STRN3: variants seen among roughly 807,000 people sequenced by gnomAD.
STRN3 encodes striatin-3.
In STRN3, 29 loss-of-function variants were observed where a neutral mutation model predicts 95.6. The observed-to-expected ratio is 0.30, with a 90% CI of 0.23 to 0.41. The LOEUF (loss-of-function observed/expected upper bound fraction) is 0.41, where lower values mean the gene tolerates loss of function less well. Among genes scored for constraint, STRN3 ranks in the 10% least tolerant of loss-of-function variants. STRN3 has a pLI of 1.00. For synonymous variants in STRN3, 331 were observed against 357.6 expected, an observed-to-expected ratio of 0.93 and a Z score of 0.84; for missense variants, 890 against 972.1, an observed-to-expected ratio of 0.92 and a Z score of 1.12.
rs117215420 is a variant in STRN3, at chr14:30,896,342, T to C, written c.2138-594A>G. On this transcript the variant is annotated intron_variant, in intron 16 of 17. Coordinates refer to ENST00000357479, the MANE Select transcript of STRN3 (RefSeq NM_001083893.2). ...AGGCTCAAGATCGTGTAAACTGGAATTAAATAAGCCAAGTGTGGTGAGGTG... is the reference window on the plus strand; with the variant it reads ...AGGCTCAAGATCGTGTAAACTGGAACTAAATAAGCCAAGTGTGGTGAGGTG... 1.8e-3 allele frequency among the ~76,000 whole-genome samples: 277 copies of C among 152,148 alleles called. 5 individuals are homozygous for C. The East Asian group carries it at 0.032, about 18-fold the overall frequency.
chr14:30,911,231 C>T lies in STRN3; in HGVS notation c.1599-69G>A, dbSNP rs191423506. 1,149 of 1,502,792 alleles carry T rather than the reference C, an allele frequency of 7.6e-4. 3 individuals are homozygous for T. The highest frequency in any genetic ancestry group is 1.8e-3 in the Middle Eastern group (8 of 4,390). 93.1% of individuals were successfully genotyped at this position (1,502,792 alleles called of 1,614,324 possible). ...AGAAGAAACTCAAATCTCCATTCCC[C>T]CAACCTCTGAATTTATGTAATATCT... On this transcript the variant is annotated intron_variant, in intron 12 of 17. Coordinates refer to ENST00000357479, the MANE Select transcript of STRN3 (RefSeq NM_001083893.2).
intron 14 of STRN3, among the ~76,000 whole-genome samples, chr14:30,906,241 G>A (rs892018473): frequency 4.0e-5 from 6 of 151,794 alleles, no homozygotes; most frequent in South Asian, 2.1e-4. Flanking sequence ...CAATCACTAC[G>A]GTGTCTAAGA....
At chr14:31,025,133 A>G (rs1195930751) in intron 1 of STRN3, 1 of 152,258 alleles carries the variant, frequency 6.6e-6, no homozygotes, top group Non-Finnish European at 1.5e-5. Flanking sequence ...TCATAAATAC[A>G]GCATCGATCG....
At chr14:30,970,600 T>C (rs563771532) in intron 1 of STRN3, among the ~76,000 whole-genome samples, 7 of 152,290 alleles carry the variant, frequency 4.6e-5, no homozygotes, top group South Asian at 4.1e-4. Context: ...ACAGACCCTA[T>C]TGGACTCCTT....
At chr14:30,975,590 GAAAAGAAAAGAA>G (rs1386627025) in intron 1 of STRN3, among the ~76,000 whole-genome samples, 16 of 145,212 alleles carry the variant, frequency 1.1e-4, no homozygotes, top group South Asian at 2.2e-4. Flanking sequence ...AAGAAAGAAA[GAAAAGAAAAGAA>G]AAAAGAAAAG....
intron 16 of STRN3, among the ~76,000 whole-genome samples, chr14:30,898,588 A>G (rs572180153): frequency 1.3e-5 from 2 of 152,298 alleles, no homozygotes; most frequent in Admixed American, 1.3e-4. Flanking sequence ...TGCTGGACCA[A>G]GTTGTATGTT....
rs1555317335 is a variant in STRN3, at chr14:30,929,967, A to AACAAACAAAAAAAAAAAC, written c.989-657_989-656insGTTTTTTTTTTTGTTTGT. Among the ~76,000 whole-genome samples the AACAAACAAAAAAAAAAAC allele has an allele frequency of 1.1e-3, 103 of 91,214 alleles. 2 individuals carry two copies. In the East Asian group the frequency reaches 0.016, roughly 14 times the overall value. The allele number at this position is 91,214 out of a possible 152,430, so 59.8% of individuals were successfully genotyped here. A position where few individuals can be genotyped will look rare whatever the true frequency, so the allele number is the denominator to read the frequency against. On this transcript the variant is annotated intron_variant, in intron 7 of 17. Transcript: ENST00000357479. ...AACTAAGATTAGCAAAAAAAAAAAA[A>AACAAACAAAAAAAAAAAC]AAAAAAAAAAAACTCAAATTCCACT...
intron 1 of STRN3, among the ~76,000 whole-genome samples, chr14:31,018,077 T>C (rs1594591895): frequency 7.7e-6 from 1 of 129,802 alleles, no homozygotes; most frequent in South Asian, 2.4e-4. Context: ...AAACCCTGCC[T>C]CAATTTAAAA....
intron 1 of STRN3, among the ~76,000 whole-genome samples, chr14:30,980,344 G>GAT (rs1881330190): frequency 6.6e-6 from 1 of 152,152 alleles, no homozygotes; most frequent in Non-Finnish European, 1.5e-5. Context: ...TTTCAACTTT[G>GAT]ATTCTGCTGG....
At chr14:30,917,337 T>C (rs1896765765) in intron 9 of STRN3, among the ~76,000 whole-genome samples, 1 of 152,132 alleles carries the variant, frequency 6.6e-6, no homozygotes, top group Non-Finnish European at 1.5e-5. Flanking sequence ...GAGTTCTAAG[T>C]TGGTTTTTGT....
chr14:30,895,744 T>C lies in STRN3; in HGVS notation c.2142A>G (p.Lys714=), dbSNP rs761861793. The part of the protein sequence containing the change: ...HIKFFDNKTG[K]MIHSMVAHLD... ...AGTGAGCTACCATAGAATGGATCAT[T>C]TTACCTAAACAAAACATAACAGAGA... Residue 714 remains lysine (K), a synonymous_variant, in exon 17 of 18, where the codon AAA becomes AAG. Transcript: ENST00000357479. The C allele has an allele frequency of 1.1e-5, 17 of 1,611,538 alleles. No individual in the cohort carries two copies. The highest frequency in any genetic ancestry group is 2.2e-5 in the South Asian group (2 of 90,284).
chr14:31,015,092 G>A (rs1037859665), intron 1 of STRN3, among the ~76,000 whole-genome samples: 7 of 152,170 alleles, frequency 4.6e-5, no homozygotes, highest in Non-Finnish European at 1.0e-4. Context: ...GCCTCCCAAA[G>A]TGCTGGGACT....
intron 15 of STRN3, among the ~76,000 whole-genome samples, chr14:30,903,614 G>A (rs914879846): frequency 6.6e-6 from 1 of 152,118 alleles, no homozygotes; most frequent in African/African-American, 2.4e-5. Flanking sequence ...TGCCCAGACT[G>A]GTCTCTACTC....
chr14:30,966,035 C>T (rs566376282), intron 1 of STRN3, among the ~76,000 whole-genome samples: 92 of 152,140 alleles, frequency 6.0e-4, no homozygotes, highest in African/African-American at 2.1e-3. Context: ...ATCACCTGCT[C>T]CACCCTAACT....
intron 16 of STRN3, among the ~76,000 whole-genome samples, chr14:30,898,755 T>A: frequency 6.6e-6 from 1 of 152,168 alleles, no homozygotes; most frequent in East Asian, 1.9e-4. Flanking sequence ...CTAATCCTAA[T>A]TTTTTCCTCT....
chr14:30,904,433 A>T (rs183147877), intron 15 of STRN3, among the ~76,000 whole-genome samples: 3 of 152,202 alleles, frequency 2.0e-5, no homozygotes, highest in Non-Finnish European at 2.9e-5. Context: ...AACACCACCC[A>T]AGACAAACTG....
chr14:30,915,057 T>C (rs1236502452), intron 9 of STRN3, among the ~76,000 whole-genome samples: 8 of 152,148 alleles, frequency 5.3e-5, no homozygotes, highest in Non-Finnish European at 8.8e-5. Context: ...GGAGAAATAC[T>C]CAAATCATAA....
chr14:30,990,109 A>C (rs908469310), intron 1 of STRN3, among the ~76,000 whole-genome samples: 1 of 151,856 alleles, frequency 6.6e-6, no homozygotes, highest in Non-Finnish European at 1.5e-5. Flanking sequence ...GTTAAAGAGA[A>C]GTAACAGTAA....
intron 1 of STRN3, among the ~76,000 whole-genome samples, chr14:31,003,845 C>T (rs1882590226): frequency 7.8e-6 from 1 of 128,196 alleles, no homozygotes; most frequent in South Asian, 2.6e-4. Context: ...ATTTCTTGTA[C>T]AGGATACAAA....
Sources: gnomAD v4.1 joint callset for allele counts (sites outside exome capture counted in the v4.1 genomes callset) on GRCh38, gnomAD v4.1.1 for gene constraint, MANE v1.5 for transcripts, NCBI Gene and HGNC (gene_info 2026-07-23, HGNC 2026-07-21) for gene names.